Variants in PLPP4 observed in about 807,000 individuals in gnomAD.
PLPP4 encodes diacylglycerol pyrophosphate like 2.
PLPP4 carries 20 observed loss-of-function variants against 32.2 expected under a neutral mutation model. The observed-to-expected ratio is 0.62, with a 90% CI of 0.44 to 0.90. The LOEUF (loss-of-function observed/expected upper bound fraction) is 0.90, where lower values mean the gene tolerates loss of function less well. Among genes scored for constraint, PLPP4 ranks in the 40% least tolerant of loss-of-function variants. PLPP4 has a pLI of 0.00. For synonymous variants in PLPP4, 127 were observed against 133.0 expected (o/e 0.95, Z 0.31); for missense variants, 257 against 353.1 (o/e 0.73, Z 2.18).
intron 1 of PLPP4, among the ~76,000 whole-genome samples, chr10:120,490,237 C>T (rs1270624349): frequency 6.6e-6 from 1 of 152,208 alleles, no homozygotes; most frequent in Non-Finnish European, 1.5e-5. Context: ...GGGATGTCTC[C>T]AGCTGTCCAA....
chr10:120,458,447 C>G (rs972371341), intron 1 of PLPP4, among the ~76,000 whole-genome samples: 1 of 152,150 alleles, frequency 6.6e-6, no homozygotes, highest in Non-Finnish European at 1.5e-5. Flanking sequence ...GAATTTCTGC[C>G]TCAATCTGGA....
chr10:120,499,431 A>G (rs1331069568), intron 1 of PLPP4, among the ~76,000 whole-genome samples: 2 of 151,860 alleles, frequency 1.3e-5, no homozygotes, highest in East Asian at 1.9e-4. Flanking sequence ...TTAAATGGCA[A>G]CAACCACAAT....
At chr10:120,564,536 A>AG (rs1848598224) in intron 5 of PLPP4, among the ~76,000 whole-genome samples, 2 of 151,872 alleles carry the variant, frequency 1.3e-5, no homozygotes, top group African/African-American at 4.8e-5. Flanking sequence ...TTTTCTGTTT[A>AG]TTCTTAATTT....
intron 1 of PLPP4, among the ~76,000 whole-genome samples, chr10:120,474,640 A>G (rs1843814660): frequency 6.6e-6 from 1 of 152,198 alleles, no homozygotes; most frequent in Non-Finnish European, 1.5e-5. Flanking sequence ...ATGAAAACCC[A>G]TGTGAAACAT....
At chr10:120,526,927 G>T (rs7910254) in intron 5 of PLPP4, among the ~76,000 whole-genome samples, 2,322 of 152,156 alleles carry the variant, frequency 0.015, 57 homozygotes, top group African/African-American at 0.053. Flanking sequence ...TGTAGATTGA[G>T]CTGTCTTCAG....
chr10:120,479,260 AC>A (rs1001494697), intron 1 of PLPP4, among the ~76,000 whole-genome samples: 175 of 151,606 alleles, frequency 1.2e-3, no homozygotes, highest in African/African-American at 4.2e-3. Context: ...CCAAAAAAAA[AC>A]CTTCCCATCC....
chr10:120,565,002 A>T (rs182968704), intron 5 of PLPP4, among the ~76,000 whole-genome samples: 2 of 152,256 alleles, frequency 1.3e-5, no homozygotes, highest in African/African-American at 4.8e-5. Context: ...TTAGTTTGAA[A>T]GTTCTATCAA....
Position 120,520,895 on chromosome 10 carries a change from G to A in PLPP4, c.321-76G>A, listed in dbSNP as rs544304803. The A allele has an allele frequency of 9.6e-6, 15 of 1,564,160 alleles. No individual in the cohort carries two copies. In the Admixed American group the frequency reaches 1.0e-4, roughly 11 times the overall value. ...TGAGGAAAGAGCTGGGGGCAGTGGG[G>A]AGTTGGGGGGGTCAGCTTGGGGTCA... On this transcript the variant is annotated intron_variant, in intron 4 of 6. Coordinates refer to ENST00000398250, the MANE Select transcript of PLPP4 (RefSeq NM_001030059.3).
chr10:120,563,758 C>A (rs1318911669), intron 5 of PLPP4, among the ~76,000 whole-genome samples: 1 of 103,980 alleles, frequency 9.6e-6, no homozygotes, highest in East Asian at 2.7e-4. Flanking sequence ...CGAGATTGCG[C>A]CACTGCAGTC....
At position 120,589,486 on chromosome 10, in the gene PLPP4, C is replaced by A; in HGVS notation, c.800C>A (p.Thr267Asn). Residue 267 changes from threonine (T) to asparagine (N), a missense_variant, in exon 7 of 7, where the codon ACC becomes AAC. Physicochemically the swap from Thr to Asn is moderately conservative, Grantham distance 65. Transcript: ENST00000398250. Reference protein sequence around the residue: ...SAPSLPLEGITEGPV With the variant: ...SAPSLPLEGINEGPV Reference sequence around the variant, plus strand: ...CCCAGCTTGCCTCTGGAGGGGATCACCGAAGGCCCGGTATGACCAGTGTCC... The same window carrying A: ...CCCAGCTTGCCTCTGGAGGGGATCAACGAAGGCCCGGTATGACCAGTGTCC... The A allele has an allele frequency of 1.9e-6, 3 of 1,614,024 alleles. No individual in the cohort carries two copies. The highest frequency in any genetic ancestry group is 2.5e-6 in the Non-Finnish European group (3 of 1,179,984).
chr10:120,571,342 C>A (rs893749567), intron 5 of PLPP4, among the ~76,000 whole-genome samples: 1 of 151,884 alleles, frequency 6.6e-6, no homozygotes, highest in Non-Finnish European at 1.5e-5. Flanking sequence ...GCTCTTGTCT[C>A]AGTTTTAGTT....
chr10:120,545,338 A>C (rs1284428893), intron 5 of PLPP4, among the ~76,000 whole-genome samples: 2 of 152,198 alleles, frequency 1.3e-5, no homozygotes, highest in Non-Finnish European at 2.9e-5. Flanking sequence ...TTTCTACTAC[A>C]TCATTGTGAT....
chr10:120,515,626 T>A (rs1845905246), intron 3 of PLPP4, among the ~76,000 whole-genome samples: 1 of 152,208 alleles, frequency 6.6e-6, no homozygotes, highest in South Asian at 2.1e-4. Context: ...GGACTTTTGG[T>A]CACAGGTTTC....
At chr10:120,541,835 C>G (rs902698221) in intron 5 of PLPP4, among the ~76,000 whole-genome samples, 1 of 150,778 alleles carries the variant, frequency 6.6e-6, no homozygotes, top group African/African-American at 2.4e-5. Flanking sequence ...AATGCAGTGG[C>G]ACAGTCTCAG....
At chr10:120,564,034 C>T (rs1288327751) in intron 5 of PLPP4, among the ~76,000 whole-genome samples, 1 of 151,746 alleles carries the variant, frequency 6.6e-6, no homozygotes, top group African/African-American at 2.4e-5. Flanking sequence ...ATGTATTCTG[C>T]TGTTCTTTTA....
chr10:120,580,573 C>T (rs578195948), intron 6 of PLPP4, among the ~76,000 whole-genome samples: 14 of 151,800 alleles, frequency 9.2e-5, no homozygotes, highest in Non-Finnish European at 1.9e-4. Context: ...GTAAGCCTTA[C>T]GCTGAGTAAC....
At chr10:120,457,429 C>A in intron 1 of PLPP4, 68 bp downstream of exon 1, 1 of 1,432,142 alleles carries the variant, frequency 7.0e-7, no homozygotes, top group Non-Finnish European at 9.5e-7. Context: ...CCTCTCTGTG[C>A]CCTAACTTAG....
intron 1 of PLPP4, among the ~76,000 whole-genome samples, chr10:120,477,802 T>G (rs774056924): frequency 1.9e-4 from 29 of 152,156 alleles, no homozygotes; most frequent in Non-Finnish European, 3.7e-4. Context: ...AGTGAATGAA[T>G]TGACTGCAGT....
intron 5 of PLPP4, among the ~76,000 whole-genome samples, chr10:120,546,000 C>T (rs1335473186): frequency 6.6e-6 from 1 of 152,178 alleles, no homozygotes; most frequent in African/African-American, 2.4e-5. Flanking sequence ...TGCCCTTGAA[C>T]ATTGGACTCC....
Sources: gnomAD v4.1 joint callset for allele counts (sites outside exome capture counted in the v4.1 genomes callset) on GRCh38, gnomAD v4.1.1 for gene constraint, MANE v1.5 for transcripts, NCBI Gene and HGNC (gene_info 2026-07-23, HGNC 2026-07-21) for gene names.